CERS6: variants seen among roughly 807,000 people sequenced by gnomAD.
The protein encoded by CERS6 is LAG1 homolog, ceramide synthase 6.
CERS6 carries 26 observed loss-of-function variants against 56.8 expected under a neutral mutation model. The ratio of observed to expected loss-of-function variants is 0.46; its 90% CI spans 0.34 to 0.63. The LOEUF (loss-of-function observed/expected upper bound fraction) is 0.63, where lower values mean the gene tolerates loss of function less well. Among genes scored for constraint, CERS6 ranks in the 30% least tolerant of loss-of-function variants. The pLI is 0.01. For synonymous variants in CERS6, 164 were observed against 173.3 expected, an observed-to-expected ratio of 0.95 and a Z score of 0.42; for missense variants, 415 against 467.5, an observed-to-expected ratio of 0.89 and a Z score of 1.04.
At chr2:168,732,947 C>T (rs1007042841) in intron 8 of CERS6, among the ~76,000 whole-genome samples, 17 of 151,630 alleles carry the variant, frequency 1.1e-4, no homozygotes, top group Non-Finnish European at 5.9e-5. Context: ...ATATATATAT[C>T]AAATAGCTAT....
intron 8 of CERS6, among the ~76,000 whole-genome samples, chr2:168,746,950 A>G (rs1358689389): frequency 1.3e-5 from 2 of 151,450 alleles, no homozygotes; most frequent in Non-Finnish European, 2.9e-5. Flanking sequence ...AATCCCTGGA[A>G]TCAGAAGTAC....
At chr2:168,590,530 T>TA (rs1683647664) in intron 3 of CERS6, among the ~76,000 whole-genome samples, 1 of 152,218 alleles carries the variant, frequency 6.6e-6, no homozygotes, top group African/African-American at 2.4e-5. Flanking sequence ...ATTGCTTTTT[T>TA]ACCACCATTA....
chr2:168,491,040 A>C (rs1466455636), intron 1 of CERS6, among the ~76,000 whole-genome samples: 1 of 152,182 alleles, frequency 6.6e-6, no homozygotes, highest in Non-Finnish European at 1.5e-5. Context: ...TCCCAAAAGA[A>C]CTGGGAAGCC....
At chr2:168,641,104 G>A (rs1685025304) in intron 4 of CERS6, among the ~76,000 whole-genome samples, 1 of 152,126 alleles carries the variant, frequency 6.6e-6, no homozygotes, top group Admixed American at 6.5e-5. Flanking sequence ...ACCACCAGAT[G>A]TTGATGTCAC....
At chr2:168,561,380 G>A in intron 3 of CERS6, 58 bp downstream of exon 3, 1 of 1,601,764 alleles carries the variant, frequency 6.2e-7, no homozygotes, top group South Asian at 1.1e-5. Flanking sequence ...CCAACCCTGA[G>A]GTGAAAAATA....
intron 8 of CERS6, among the ~76,000 whole-genome samples, chr2:168,740,807 A>G (rs1683875706): frequency 6.6e-6 from 1 of 152,248 alleles, no homozygotes; most frequent in Non-Finnish European, 1.5e-5. Context: ...CATTTTGTTT[A>G]TGATCACTTT....
At chr2:168,706,375 G>A (rs1686942004) in intron 6 of CERS6, among the ~76,000 whole-genome samples, 1 of 152,176 alleles carries the variant, frequency 6.6e-6, no homozygotes, top group Non-Finnish European at 1.5e-5. Context: ...ACAAGATTAT[G>A]AGTTCTTGAT....
At chr2:168,558,862 C>G (rs918872327) in intron 2 of CERS6, among the ~76,000 whole-genome samples, 1 of 152,100 alleles carries the variant, frequency 6.6e-6, no homozygotes, top group African/African-American at 2.4e-5. Flanking sequence ...GAGCAAGACT[C>G]TGTCACACAC....
At chr2:168,599,193 C>T (rs550724293) in intron 3 of CERS6, among the ~76,000 whole-genome samples, 13 of 152,196 alleles carry the variant, frequency 8.5e-5, no homozygotes, top group Admixed American at 8.5e-4. Flanking sequence ...GGAAAATAGG[C>T]TGCTTCTCTG....
At chr2:168,720,150 A>T (rs1687325541) in intron 8 of CERS6, among the ~76,000 whole-genome samples, 1 of 151,560 alleles carries the variant, frequency 6.6e-6, no homozygotes, top group Non-Finnish European at 1.5e-5. Context: ...AGCTGGTCTC[A>T]AACTCCTGAC....
rs185246559 is a variant in CERS6, at chr2:168,697,082, C to G, written c.609+2031C>G. Reference sequence around the variant, plus strand: ...CGTTTAGGAGTCTGTGGGCCTACTACTACCCAAGTCCCCTGTCCCCACATA... The same window carrying G: ...CGTTTAGGAGTCTGTGGGCCTACTAGTACCCAAGTCCCCTGTCCCCACATA... On this transcript the variant is annotated intron_variant, in intron 6 of 9. Coordinates refer to ENST00000305747, the MANE Select transcript of CERS6 (RefSeq NM_203463.3). Among the ~76,000 whole-genome samples, 621 of 152,312 alleles carry G rather than the reference C, an allele frequency of 4.1e-3. 3 individuals carry two copies. The highest frequency in any genetic ancestry group is 0.015 in the African/African-American group (603 of 41,570).
intron 3 of CERS6, among the ~76,000 whole-genome samples, chr2:168,580,732 T>G (rs1267161387): frequency 6.6e-6 from 1 of 152,212 alleles, no homozygotes. Context: ...AAAATGAGTT[T>G]ATTTCTTCCT....
At chr2:168,649,706 C>T (rs1685297239) in intron 4 of CERS6, among the ~76,000 whole-genome samples, 1 of 152,060 alleles carries the variant, frequency 6.6e-6, no homozygotes, top group Non-Finnish European at 1.5e-5. Context: ...CCTTGGCTTA[C>T]CCCTCTGATT....
At chr2:168,643,345 T>TTTG (rs778165717) in intron 4 of CERS6, among the ~76,000 whole-genome samples, 4 of 152,242 alleles carry the variant, frequency 2.6e-5, no homozygotes, top group Admixed American at 6.5e-5. Context: ...AATTTATAAT[T>TTTG]TTGTTGTTGT....
Position 168,747,000 on chromosome 2 carries a change from G to T in CERS6, c.846-18592G>T, listed in dbSNP as rs142453166. ...CATTTTGGCATATGTTCATTTAATC[G>T]CACTTTAAATCATGTTTTATACATA... On this transcript the variant is annotated intron_variant, in intron 8 of 9. Coordinates refer to ENST00000305747, the MANE Select transcript of CERS6 (RefSeq NM_203463.3). 6.6e-5 allele frequency among the ~76,000 whole-genome samples: 10 copies of T among 151,466 alleles called. No individual in the cohort carries two copies. The East Asian group carries it at 1.8e-3, about 27-fold the overall frequency.
At chr2:168,765,027 C>T (rs1203534072) in intron 8 of CERS6, among the ~76,000 whole-genome samples, 1 of 152,142 alleles carries the variant, frequency 6.6e-6, no homozygotes, top group African/African-American at 2.4e-5. Context: ...ATAATTCAGC[C>T]TTAAAAAGGA....
intron 2 of CERS6, among the ~76,000 whole-genome samples, chr2:168,556,902 C>T (rs1695688693): frequency 6.8e-6 from 1 of 146,452 alleles, no homozygotes; most frequent in Non-Finnish European, 1.5e-5. Flanking sequence ...CACCTGTAAT[C>T]TCAGCACTTT....
intron 3 of CERS6, among the ~76,000 whole-genome samples, chr2:168,593,288 G>T (rs1459695571): frequency 6.6e-6 from 1 of 152,174 alleles, no homozygotes; most frequent in Non-Finnish European, 1.5e-5. Context: ...TGGAGATTAG[G>T]ATGTGGATAT....
intron 6 of CERS6, 29 bp from the exon 7 acceptor site, chr2:168,714,972 C>A: frequency 6.3e-7 from 1 of 1,590,448 alleles, no homozygotes; most frequent in Non-Finnish European, 8.5e-7. Context: ...TTGCTAAACT[C>A]TAATATGGAT....
Sources: gnomAD v4.1 joint callset for allele counts (sites outside exome capture counted in the v4.1 genomes callset) on GRCh38, gnomAD v4.1.1 for gene constraint, MANE v1.5 for transcripts, NCBI Gene and HGNC (gene_info 2026-07-23, HGNC 2026-07-21) for gene names.